Variants in DOCK1 observed in about 807,000 individuals in gnomAD.
DOCK1 encodes dedicator of cytokinesis 1.
A neutral mutation model predicts 262.7 loss-of-function variants in DOCK1; 138 were observed. The observed-to-expected ratio is 0.53, with a 90% CI of 0.46 to 0.61. The LOEUF (loss-of-function observed/expected upper bound fraction) is 0.61, where lower values mean the gene tolerates loss of function less well. DOCK1 is among the 20% of genes least tolerant of loss of function. The pLI, the probability that DOCK1 is intolerant of heterozygous loss-of-function variation, is 0.00. For missense variants in DOCK1, 1,908 were observed against 2,370.7 expected, an observed-to-expected ratio of 0.80 and a Z score of 4.05; for synonymous variants, 866 against 867.4, an observed-to-expected ratio of 1.00 and a Z score of 0.03.
chr10:126,930,512 C>T (rs36197501), intron 1 of DOCK1, among the ~76,000 whole-genome samples: 39,037 of 152,162 alleles, frequency 0.26, 5,918 homozygotes, highest in East Asian at 0.53. Flanking sequence ...TTGGCATGGG[C>T]GCCGGTGGTC....
At chr10:126,948,593 A>G (rs1210616805) in intron 1 of DOCK1, among the ~76,000 whole-genome samples, 1 of 151,920 alleles carries the variant, frequency 6.6e-6, no homozygotes, top group African/African-American at 2.4e-5. Flanking sequence ...AGGGCCCTCA[A>G]AATGCTCCAG....
chr10:126,946,857 G>C (rs1206521938), intron 1 of DOCK1, among the ~76,000 whole-genome samples: 2 of 152,184 alleles, frequency 1.3e-5, no homozygotes, highest in Non-Finnish European at 2.9e-5. Flanking sequence ...TTTGACTGTT[G>C]TGAACAACTT....
At chr10:126,917,779 G>A (rs1454336892) in intron 1 of DOCK1, among the ~76,000 whole-genome samples, 3 of 152,172 alleles carry the variant, frequency 2.0e-5, no homozygotes, top group Non-Finnish European at 2.9e-5. Flanking sequence ...GGAGGAGGAG[G>A]AGAGTGGGGA....
At chr10:126,939,560 G>A (rs1270899127) in intron 1 of DOCK1, among the ~76,000 whole-genome samples, 3 of 152,120 alleles carry the variant, frequency 2.0e-5, no homozygotes, top group Non-Finnish European at 2.9e-5. Context: ...TTTTTCTCTC[G>A]TTTGTAGCAG....
At chr10:126,915,310 G>A (rs544538078) in intron 1 of DOCK1, among the ~76,000 whole-genome samples, 13 of 152,142 alleles carry the variant, frequency 8.5e-5, no homozygotes, top group African/African-American at 1.7e-4. Flanking sequence ...GACAGACGCC[G>A]CCTTTTTCCT....
intron 29 of DOCK1, among the ~76,000 whole-genome samples, chr10:127,288,827 C>A (rs1255349179): frequency 6.7e-6 from 1 of 148,984 alleles, no homozygotes; most frequent in African/African-American, 2.5e-5. Flanking sequence ...TTCAGAATAA[C>A]AATACCAATT....
At chr10:127,265,674 T>C (rs2135115165) in intron 29 of DOCK1, among the ~76,000 whole-genome samples, 1 of 152,372 alleles carries the variant, frequency 6.6e-6, no homozygotes, top group East Asian at 1.9e-4. Context: ...AAATCGTCCA[T>C]GCTTATTTCT....
At chr10:127,395,762 A>G (rs1438942275) in intron 38 of DOCK1, among the ~76,000 whole-genome samples, 2 of 151,126 alleles carry the variant, frequency 1.3e-5, no homozygotes, top group Non-Finnish European at 3.0e-5. Context: ...AAGTGATGTC[A>G]TGAGACTTCA....
chr10:127,270,998 T>TG (rs2060545590), intron 29 of DOCK1, among the ~76,000 whole-genome samples: 1 of 65,104 alleles, frequency 1.5e-5, no homozygotes, highest in South Asian at 9.9e-4. Flanking sequence ...TATATGTGTG[T>TG]ATGTGTGTGT....
At chr10:127,443,176 C>T (rs1383422716) in intron 49 of DOCK1, among the ~76,000 whole-genome samples, 1 of 152,164 alleles carries the variant, frequency 6.6e-6, no homozygotes, top group African/African-American at 2.4e-5. Flanking sequence ...TTGTGCCCTC[C>T]CAAATTTGGA....
At chr10:127,410,711 T>TG (rs1020767672) in intron 42 of DOCK1, 129 bp from the exon 43 acceptor site, 2 of 740,898 alleles carry the variant, frequency 2.7e-6, no homozygotes, top group African/African-American at 1.8e-5. Flanking sequence ...ACCAAGGCGA[T>TG]GGCTTCAGGT....
Position 127,102,765 on chromosome 10 carries a change from G to A in DOCK1, c.2446-3466G>A, listed in dbSNP as rs576297048. On this transcript the variant is annotated intron_variant, in intron 23 of 51. Coordinates refer to ENST00000623213, the MANE Select transcript of DOCK1 (RefSeq NM_001290223.2). ...TGAGGCAGAAGAATCACGTGAACCC[G>A]GGGGGTGGAAGTTGTAGTGAGCCAA... is the stretch of plus-strand genomic sequence containing the variant. Among the ~76,000 whole-genome samples the A allele has an allele frequency of 4.1e-4, 63 of 152,270 alleles. No homozygotes were observed. In the South Asian group the frequency reaches 9.7e-3, roughly 24 times the overall value.
rs2070574969 is a variant in DOCK1 at position 127,446,604 on chromosome 10, A to AT, written c.5414-786dup. 6.6e-6 allele frequency among the ~76,000 whole-genome samples: 1 copy of AT among 152,112 alleles called. No individual in the cohort carries two copies. Among genetic ancestry groups the AT allele is most frequent in the Admixed American group, 6.5e-5 (1 of 15,268 alleles). ...TTACAGTGTGGCCTTCCTAGCATGC[A>AT]TTTTCCTAATAAAGGATTTTTCATC... On this transcript the variant is annotated intron_variant, in intron 50 of 51. Coordinates refer to ENST00000623213, the MANE Select transcript of DOCK1 (RefSeq NM_001290223.2). This position sits in a 1 kb window ranked among gnomAD's most constrained non-coding sequence, Gnocchi z 4.4.
chr10:127,134,829 C>G (rs1213773580), intron 27 of DOCK1, among the ~76,000 whole-genome samples: 1 of 152,132 alleles, frequency 6.6e-6, no homozygotes, highest in Admixed American at 6.5e-5. Flanking sequence ...GTTGCAGATA[C>G]TGGGAAAAAG....
At chr10:126,958,258 T>C (rs906417958) in intron 1 of DOCK1, among the ~76,000 whole-genome samples, 18 of 152,352 alleles carry the variant, frequency 1.2e-4, no homozygotes, top group Admixed American at 3.3e-4. Flanking sequence ...ATATGCCCAT[T>C]TGTTACATGG....
rs1015652155 is a variant in DOCK1, at chr10:126,957,039, C to T, written c.47-13663C>T. 6.6e-5 allele frequency among the ~76,000 whole-genome samples: 10 copies of T among 152,270 alleles called. No individual in the cohort carries two copies. The East Asian group carries it at 9.7e-4, about 15-fold the overall frequency. ...CTCCCTGGGCACAGGCTGCACCCGA[C>T]GGGGGAAAGCGGGGAAGGGGTCTCT... On this transcript the variant is annotated intron_variant, in intron 1 of 51. Coordinates refer to ENST00000623213, the MANE Select transcript of DOCK1 (RefSeq NM_001290223.2).
At chr10:127,427,757 G>T (rs1043711715) in intron 47 of DOCK1, among the ~76,000 whole-genome samples, 7 of 152,216 alleles carry the variant, frequency 4.6e-5, no homozygotes, top group Non-Finnish European at 8.8e-5. Flanking sequence ...AGGTAATTTG[G>T]TTATGATCAC....
intron 27 of DOCK1, among the ~76,000 whole-genome samples, chr10:127,233,059 TTTTTAA>T (rs1283286479): frequency 6.6e-6 from 1 of 152,222 alleles, no homozygotes; most frequent in Non-Finnish European, 1.5e-5. Flanking sequence ...GCATGGTCCC[TTTTTAA>T]TTTTATGTAT....
rs2067578794 is a variant in DOCK1 at position 127,407,404 on chromosome 10, G to A, written c.4123-1633G>A. On this transcript the variant is annotated intron_variant, in intron 40 of 51. Coordinates refer to ENST00000623213, the MANE Select transcript of DOCK1 (RefSeq NM_001290223.2). ...AGCTCTCTGGGGCCTCTTTTCTGAGGCACTGATGACTTTCCTAAGGGTGGA... is the reference window on the plus strand; with the variant it reads ...AGCTCTCTGGGGCCTCTTTTCTGAGACACTGATGACTTTCCTAAGGGTGGA... 2.0e-5 allele frequency among the ~76,000 whole-genome samples: 3 copies of A among 152,214 alleles called. No homozygotes were observed. The South Asian group carries it at 6.2e-4, about 32-fold the overall frequency.
Sources: allele counts gnomAD v4.1 joint callset (sites outside exome capture counted in the v4.1 genomes callset), GRCh38; gene constraint gnomAD v4.1.1; non-coding constraint Gnocchi (gnomAD v3.1); transcripts MANE v1.5; gene names NCBI Gene and HGNC (gene_info 2026-07-23, HGNC 2026-07-21).